The following PDZD8 variants were observed in gnomAD, a reference collection of about 807,000 sequenced individuals.
PDZD8 encodes PDZ domain-containing protein 8.
A neutral mutation model predicts 85.8 loss-of-function variants in PDZD8; 14 were observed. The ratio of observed to expected loss-of-function variants is 0.16; its 90% CI spans 0.11 to 0.26. The LOEUF (loss-of-function observed/expected upper bound fraction) is 0.26. Ranked by LOEUF, PDZD8 falls within the 10% of genes least tolerant of loss-of-function variation. The probability of loss-of-function intolerance (pLI) is 1.00; values close to 1 mark genes in which losing one functional copy is unlikely to be tolerated. For synonymous variants in PDZD8, 592 were observed against 568.6 expected, an observed-to-expected ratio of 1.04 and a Z score of -0.59; for missense variants, 1,197 against 1,424.3, an observed-to-expected ratio of 0.84 and a Z score of 2.57.
At chr10:117,337,601 T>C (rs74761424) in intron 2 of PDZD8, among the ~76,000 whole-genome samples, 1 of 152,316 alleles carries the variant, frequency 6.6e-6, no homozygotes, top group East Asian at 1.9e-4. Context: ...ATTAATAAAA[T>C]TCAAATTCCA....
At chr10:117,346,978 A>C (rs1307381970) in intron 1 of PDZD8, among the ~76,000 whole-genome samples, 1 of 151,710 alleles carries the variant, frequency 6.6e-6, no homozygotes, top group Non-Finnish European at 1.5e-5. Flanking sequence ...TAAATCAGAG[A>C]CCCTCTTTTG....
intron 3 of PDZD8, among the ~76,000 whole-genome samples, chr10:117,314,989 T>C (rs1367893595): frequency 1.3e-5 from 2 of 152,172 alleles, no homozygotes. Flanking sequence ...TTTCTAAAAA[T>C]CAGAACTCCT....
Position 117,331,621 on chromosome 10 carries a change from G to A in PDZD8, c.995+9359C>T, listed in dbSNP as rs578056278. Among the ~76,000 whole-genome samples, 64 of 152,196 alleles carry A rather than the reference G, an allele frequency of 4.2e-4. No individual in the cohort carries two copies. The South Asian group carries it at 0.012, about 29-fold the overall frequency. ...TGACCACAGTTCATTTTTGCTGAAGGTATTGTATGAGTGTATAGCATACCA... is the reference window on the plus strand; with the variant it reads ...TGACCACAGTTCATTTTTGCTGAAGATATTGTATGAGTGTATAGCATACCA... On this transcript the variant is annotated intron_variant, in intron 2 of 4. Transcript: ENST00000334464.
chr10:117,342,802 T>TA (rs1844638930), intron 1 of PDZD8, among the ~76,000 whole-genome samples: 7 of 152,162 alleles, frequency 4.6e-5, no homozygotes, highest in African/African-American at 1.7e-4. Flanking sequence ...CAATTAATCT[T>TA]TCTAATCATA....
At chr10:117,335,632 T>C (rs532656777) in intron 2 of PDZD8, among the ~76,000 whole-genome samples, 1 of 152,262 alleles carries the variant, frequency 6.6e-6, no homozygotes, top group East Asian at 1.9e-4. Flanking sequence ...GGGGGGAGAC[T>C]AAATCTGAAA....
rs748664796 is a variant in PDZD8 at position 117,283,634 on chromosome 10, G to C, written c.3099C>G (p.Ile1033Met). Residue 1033 changes from isoleucine to methionine, a missense_variant, in exon 5 of 5, where the codon ATC becomes ATG. By Grantham distance (10) the Ile-to-Met change is conservative. Around this residue, in one of 4 missense-constraint regions of PDZD8, gnomAD observed 418 missense variants for 571.1 expected, o/e 0.73. Coordinates refer to ENST00000334464, the MANE Select transcript of PDZD8 (RefSeq NM_173791.5). ...LYRGLPTEER[I>M]QKLEFMLDKL... ...TATCCAACATGAACTCTAGTTTCTG[G>C]ATCCTTTCCTCTGTAGGCAAGCCCC... The C allele has an allele frequency of 1.2e-6, 2 of 1,614,080 alleles. No individual in the cohort carries two copies. Among genetic ancestry groups the C allele is most frequent in the Non-Finnish European group, 8.5e-7 (1 of 1,180,020 alleles).
At position 117,374,273 on chromosome 10, in the gene PDZD8, C is replaced by A; in HGVS notation, c.872+83G>T. On this transcript the variant is annotated intron_variant, in intron 1 of 4. Transcript: ENST00000334464. The surrounding 1 kb of genome is among the most constrained non-coding windows in gnomAD (Gnocchi z 7.8). ...AAGCAGGCGCCAGGACAGAAATGAG[C>A]CTTTGCCCTTCCCAATCCACGCAGC... is the stretch of plus-strand genomic sequence containing the variant. The A allele has an allele frequency of 6.4e-7, 1 of 1,560,998 alleles. No homozygotes were observed. The highest frequency in any genetic ancestry group is 1.8e-5 in the Admixed American group (1 of 56,230).
chr10:117,283,364 T>C lies in PDZD8; in HGVS notation c.3369A>G (p.Thr1123=). ...TTATTTCATTATCAAGGTCTTCTTCTGTATCATCTGTGTACTTGCTTATTT... is the reference window on the plus strand; with the variant it reads ...TTATTTCATTATCAAGGTCTTCTTCCGTATCATCTGTGTACTTGCTTATTT... ...SKKISKYTDD[T]EEDLDNEISQ... The change falls in exon 5 of 5, where the codon ACA becomes ACG. Residue 1123 remains threonine (T), a synonymous_variant. Transcript: ENST00000334464. 1.2e-6 allele frequency: 2 copies of C among 1,614,132 alleles called. No homozygotes were observed. Among genetic ancestry groups the C allele is most frequent in the East Asian group, 4.5e-5 (2 of 44,882 alleles).
chr10:117,341,207 A>C, intron 1 of PDZD8, 105 bp from the exon 2 acceptor site: 2 of 1,197,304 alleles, frequency 1.7e-6, no homozygotes, highest in Non-Finnish European at 2.3e-6. Flanking sequence ...TGAACACCTA[A>C]TACTACACGT....
rs760614799 is a variant in PDZD8 at position 117,375,069 on chromosome 10, G to A, written c.159C>T (p.Gly53=). ...CATAAAGGTACTCCCTTAGGAGCAGGCCCGGCACTGGCTTGATGTAGCGGA... is the reference window on the plus strand; with the variant it reads ...CATAAAGGTACTCCCTTAGGAGCAGACCCGGCACTGGCTTGATGTAGCGGA... ...EGFRYIKPVP[G]LLLREYLYGG... The change falls in exon 1 of 5, where the codon GGC becomes GGT. Residue 53 remains glycine, a synonymous_variant. Coordinates refer to ENST00000334464, the MANE Select transcript of PDZD8 (RefSeq NM_173791.5). 1 of 1,600,848 alleles carries A rather than the reference G, an allele frequency of 6.2e-7. No homozygotes were observed. The highest frequency in any genetic ancestry group is 8.5e-7 in the Non-Finnish European group (1 of 1,176,984).
In PDZD8 at chr10:117,283,637, C is replaced by A. The variant is rs1844604758; in HGVS notation, c.3096G>T (p.Arg1032Ser). 1.2e-6 allele frequency: 2 copies of A among 1,614,200 alleles called. No homozygotes were observed. The highest frequency in any genetic ancestry group is 1.7e-6 in the Non-Finnish European group (2 of 1,180,042). ...DLYRGLPTEE[R>S]IQKLEFMLDK... is the part of the protein sequence containing the mutation. The stretch of plus-strand genomic sequence containing the variant: ...CCAACATGAACTCTAGTTTCTGGAT[C>A]CTTTCCTCTGTAGGCAAGCCCCTGT... Residue 1032 changes from arginine (R) to serine (S), a missense_variant, in exon 5 of 5, where the codon AGG becomes AGT. By Grantham distance (110) the Arg-to-Ser change is moderately radical. Coordinates refer to ENST00000334464, the MANE Select transcript of PDZD8 (RefSeq NM_173791.5).
At chr10:117,364,895 G>A (rs1384622766) in intron 1 of PDZD8, among the ~76,000 whole-genome samples, 2 of 151,814 alleles carry the variant, frequency 1.3e-5, no homozygotes, top group African/African-American at 4.8e-5. Flanking sequence ...AAGGGCAGAA[G>A]GAAGGAGGGA....
chr10:117,283,112 T>C lies in PDZD8; in HGVS notation c.*156A>G. The C allele has an allele frequency of 8.5e-6, 6 of 706,164 alleles. No homozygotes were observed. The highest frequency in any genetic ancestry group is 1.1e-5 in the Non-Finnish European group (5 of 455,454). 43.7% of individuals were successfully genotyped at this position (706,164 alleles called of 1,614,324 possible). On this transcript the variant is annotated 3_prime_UTR_variant, in exon 5 of 5. Transcript: ENST00000334464. ...ACCAATTAGTAAGCTGGTCATGTTT[T>C]TACTGGAAAACAACCTTTCTCATTT...
chr10:117,338,702 T>C (rs1013759629), intron 2 of PDZD8, among the ~76,000 whole-genome samples: 3 of 152,226 alleles, frequency 2.0e-5, no homozygotes, highest in Non-Finnish European at 4.4e-5. Flanking sequence ...TGGTTACAGG[T>C]ACTTCACACA....
intron 3 of PDZD8, among the ~76,000 whole-genome samples, chr10:117,311,278 G>T (rs1333976442): frequency 6.6e-6 from 1 of 151,958 alleles, no homozygotes; most frequent in Admixed American, 6.6e-5. Flanking sequence ...CTCATTTTGT[G>T]GACTTCCTTA....
chr10:117,345,226 A>G (rs1734515585), intron 1 of PDZD8, among the ~76,000 whole-genome samples: 1 of 152,190 alleles, frequency 6.6e-6, no homozygotes, highest in Non-Finnish European at 1.5e-5. Context: ...TACCAAGAAC[A>G]ATGGAGGTTG....
At chr10:117,365,051 C>T (rs1286279649) in intron 1 of PDZD8, among the ~76,000 whole-genome samples, 2 of 151,754 alleles carry the variant, frequency 1.3e-5, no homozygotes, top group East Asian at 3.9e-4. Flanking sequence ...ATGGGTATAT[C>T]AGGGGATGAA....
chr10:117,363,861 A>G (rs187294299), intron 1 of PDZD8, among the ~76,000 whole-genome samples: 4 of 152,208 alleles, frequency 2.6e-5, no homozygotes, highest in African/African-American at 9.6e-5. Context: ...TGCTGATTAC[A>G]GAATAAAGAG....
chr10:117,333,132 A>AAAAAAAAC, intron 2 of PDZD8, among the ~76,000 whole-genome samples: 1 of 149,034 alleles, frequency 6.7e-6, no homozygotes, highest in Non-Finnish European at 1.5e-5. Context: ...AAAAAAAAAA[A>AAAAAAAAC]AAAAAAAAAA....
Sources: allele counts gnomAD v4.1 joint callset (sites outside exome capture counted in the v4.1 genomes callset), GRCh38; gene constraint gnomAD v4.1.1; regional missense constraint gnomAD v4.1.1; non-coding constraint Gnocchi (gnomAD v3.1); transcripts MANE v1.5; gene names NCBI Gene and HGNC (gene_info 2026-07-23, HGNC 2026-07-21).